Variants in L3MBTL4 observed in about 807,000 individuals in gnomAD.
The protein encoded by L3MBTL4 is L3MBTL histone methyl-lysine binding protein 4.
Under a neutral mutation model 84.5 loss-of-function variants are expected in L3MBTL4, and 70 were observed. That is an observed-to-expected ratio of 0.83 (90% CI 0.68 to 1.01). The LOEUF (loss-of-function observed/expected upper bound fraction) is 1.01. Among genes scored for constraint, L3MBTL4 ranks in the 50% least tolerant of loss-of-function variants. The pLI is 0.00. For synonymous variants in L3MBTL4, 274 were observed against 259.8 expected, an observed-to-expected ratio of 1.05 and a Z score of -0.52; for missense variants, 715 against 754.8, an observed-to-expected ratio of 0.95 and a Z score of 0.62.
intron 16 of L3MBTL4, among the ~76,000 whole-genome samples, chr18:6,078,915 T>C (rs1445906832): frequency 1.3e-5 from 2 of 152,164 alleles, no homozygotes; most frequent in African/African-American, 4.8e-5. Context: ...CGTCAGGTAT[T>C]AGATTCTCAT....
chr18:6,226,454 T>C (rs1322030247), intron 10 of L3MBTL4, among the ~76,000 whole-genome samples: 1 of 152,086 alleles, frequency 6.6e-6, no homozygotes, highest in East Asian at 1.9e-4. Flanking sequence ...GATAATGTCA[T>C]AATCTAAAAC....
At chr18:6,385,159 C>A (rs942175707) in intron 1 of L3MBTL4, among the ~76,000 whole-genome samples, 3 of 152,026 alleles carry the variant, frequency 2.0e-5, no homozygotes. Context: ...CCCAGCACTC[C>A]GAGAGGCCAG....
chr18:6,234,141 C>T (rs1458703815), intron 10 of L3MBTL4, among the ~76,000 whole-genome samples: 6 of 152,072 alleles, frequency 3.9e-5, no homozygotes, highest in African/African-American at 1.5e-4. Flanking sequence ...GGATCCCTTC[C>T]TTACCCCTTA....
At chr18:6,143,779 G>C (rs2060263696) in intron 13 of L3MBTL4, among the ~76,000 whole-genome samples, 1 of 152,108 alleles carries the variant, frequency 6.6e-6, no homozygotes, top group Non-Finnish European at 1.5e-5. Context: ...CTTCACTAGA[G>C]TGAGGACATT....
Position 6,408,505 on chromosome 18 carries a change from A to C in L3MBTL4, c.-91+6296T>G, listed in dbSNP as rs547165000. ...AGACTTCACATTTTTAAAACTGCAG[A>C]TTTCCAACTTCAGTTTTGTTTATTT... On this transcript the variant is annotated intron_variant, in intron 1 of 18. Transcript: ENST00000317931. 2.6e-5 allele frequency among the ~76,000 whole-genome samples: 4 copies of C among 152,182 alleles called. No individual in the cohort carries two copies. The East Asian group carries it at 7.7e-4, about 29-fold the overall frequency.
intron 14 of L3MBTL4, among the ~76,000 whole-genome samples, chr18:6,119,073 C>T (rs770027138): frequency 6.8e-6 from 1 of 146,434 alleles, no homozygotes; most frequent in Non-Finnish European, 1.5e-5. Context: ...CTGAGTCCAC[C>T]TCTGCTGGGT....
rs552375757 is a variant in L3MBTL4 at position 6,323,632 on chromosome 18, A to G, written c.-90-11576T>C. 3.3e-5 allele frequency among the ~76,000 whole-genome samples: 5 copies of G among 152,350 alleles called. No individual in the cohort carries two copies. In the East Asian group the frequency reaches 9.7e-4, roughly 29 times the overall value. Reference sequence around the variant, plus strand: ...AAAGTTCCTAAGGAGCAAAGCCTTCAAGAGGTGGCCTGGCTGCTTCTAACA... The same window carrying G: ...AAAGTTCCTAAGGAGCAAAGCCTTCGAGAGGTGGCCTGGCTGCTTCTAACA... On this transcript the variant is annotated intron_variant, in intron 1 of 18. Coordinates refer to ENST00000317931, the MANE Select transcript of L3MBTL4 (RefSeq NM_001330559.2).
intron 16 of L3MBTL4, chr18:6,030,587 C>T (rs1210724039): frequency 5.2e-6 from 4 of 767,108 alleles, no homozygotes; most frequent in South Asian, 5.9e-5. Context: ...CTGCCTCCAC[C>T]TCCCAGGTTC....
intron 1 of L3MBTL4, among the ~76,000 whole-genome samples, chr18:6,402,482 G>A (rs2055553182): frequency 1.3e-5 from 2 of 152,208 alleles, no homozygotes; most frequent in South Asian, 4.2e-4. Flanking sequence ...CATATAAGTG[G>A]TCACTCAATT....
At chr18:6,243,644 G>T (rs1458828127) in intron 6 of L3MBTL4, among the ~76,000 whole-genome samples, 1 of 152,154 alleles carries the variant, frequency 6.6e-6, no homozygotes, top group Non-Finnish European at 1.5e-5. Context: ...AGTGCATTCT[G>T]CAAAATAGTG....
At chr18:6,361,661 A>T (rs763610198) in intron 1 of L3MBTL4, among the ~76,000 whole-genome samples, 1 of 152,160 alleles carries the variant, frequency 6.6e-6, no homozygotes, top group East Asian at 1.9e-4. Flanking sequence ...GCGATCTTTA[A>T]AGAGACAGTC....
chr18:6,204,860 GC>G (rs2045804877), intron 12 of L3MBTL4, among the ~76,000 whole-genome samples: 1 of 152,170 alleles, frequency 6.6e-6, no homozygotes, highest in South Asian at 2.1e-4. Flanking sequence ...TATCCATAGG[GC>G]CCACAGCTCC....
intron 18 of L3MBTL4, among the ~76,000 whole-genome samples, chr18:5,959,120 T>G (rs2095249318): frequency 6.6e-6 from 1 of 152,184 alleles, no homozygotes; most frequent in Non-Finnish European, 1.5e-5. Context: ...AACTCAGCAC[T>G]TCCTTAACTC....
At chr18:6,000,310 A>G (rs1207489248) in intron 16 of L3MBTL4, among the ~76,000 whole-genome samples, 1 of 152,206 alleles carries the variant, frequency 6.6e-6, no homozygotes, top group African/African-American at 2.4e-5. Flanking sequence ...AAGGAAGAAA[A>G]TAAAGTAGAA....
chr18:6,089,985 C>T (rs8089383), intron 15 of L3MBTL4, among the ~76,000 whole-genome samples: 7,101 of 152,052 alleles, frequency 0.047, 205 homozygotes, highest in South Asian at 0.1. Context: ...ATGGGAAGCT[C>T]CAAAGGTTAT....
At chr18:6,260,019 A>G (rs1393503892) in intron 5 of L3MBTL4, 1 of 152,118 alleles carries the variant, frequency 6.6e-6, no homozygotes, top group African/African-American at 2.4e-5. Flanking sequence ...CTAGCCAGCT[A>G]TCCCAGCACC....
chr18:6,031,407 G>T, intron 16 of L3MBTL4: 1 of 985,422 alleles, frequency 1.0e-6, no homozygotes, highest in South Asian at 4.7e-5. Context: ...CTTTGTGGCC[G>T]TCTAACTTCT....
intron 4 of L3MBTL4, among the ~76,000 whole-genome samples, chr18:6,290,573 G>T (rs1473090602): frequency 6.6e-6 from 1 of 151,484 alleles, no homozygotes. Context: ...TATCACCCAG[G>T]TTGGAGAGCA....
intron 14 of L3MBTL4, among the ~76,000 whole-genome samples, chr18:6,137,177 C>T (rs533954467): frequency 1.5e-4 from 23 of 152,310 alleles, no homozygotes; most frequent in Non-Finnish European, 2.5e-4. Context: ...ACATCTCCTC[C>T]GGGTCCAGCT....
Sources: gnomAD v4.1 joint callset for allele counts (sites outside exome capture counted in the v4.1 genomes callset) on GRCh38, gnomAD v4.1.1 for gene constraint, MANE v1.5 for transcripts, NCBI Gene and HGNC (gene_info 2026-07-23, HGNC 2026-07-21) for gene names.